The following CNTN1 variants were observed in gnomAD, a reference collection of about 807,000 sequenced individuals.
CNTN1 encodes contactin 1.
A neutral mutation model predicts 126.4 loss-of-function variants in CNTN1; 38 were observed. The observed-to-expected ratio is 0.30, with a 90% CI of 0.23 to 0.39. CNTN1 has a LOEUF of 0.39. Among genes scored for constraint, CNTN1 ranks in the 10% least tolerant of loss-of-function variants. The pLI, the probability that CNTN1 is intolerant of heterozygous loss-of-function variation, is 1.00. For missense variants in CNTN1, 1,009 were observed against 1,248.4 expected, an observed-to-expected ratio of 0.81 and a Z score of 2.89; for synonymous variants, 413 against 422.6, an observed-to-expected ratio of 0.98 and a Z score of 0.28.
At chr12:40,956,147 G>C (rs1490495418) in intron 14 of CNTN1, among the ~76,000 whole-genome samples, 1 of 152,068 alleles carries the variant, frequency 6.6e-6, no homozygotes, top group East Asian at 1.9e-4. Flanking sequence ...CTTAAGAGCA[G>C]ATACCAAAAT....
chr12:40,932,349 T>C (rs1280007111), intron 7 of CNTN1, among the ~76,000 whole-genome samples: 1 of 151,956 alleles, frequency 6.6e-6, no homozygotes, highest in East Asian at 1.9e-4. Flanking sequence ...CCCACTGCCA[T>C]GTAAGATTTC....
chr12:40,725,401 C>CAAAAAAAAAAAAAAAAAAAAAAGAAAAAA (rs1942325662), intron 1 of CNTN1, among the ~76,000 whole-genome samples: 1 of 45,332 alleles, frequency 2.2e-5, no homozygotes, highest in Non-Finnish European at 4.0e-5. Context: ...AACTCTGTCT[C>CAAAAAAAAAAAAAAAAAAAAAAGAAAAAA]AAAAAAAAAA....
chr12:40,730,605 A>G (rs906062732), intron 1 of CNTN1, among the ~76,000 whole-genome samples: 7 of 152,182 alleles, frequency 4.6e-5, no homozygotes, highest in Admixed American at 4.6e-4. Context: ...AATGTATCCA[A>G]TGACTACACA....
chr12:40,949,579 T>C (rs1382705835), intron 14 of CNTN1, among the ~76,000 whole-genome samples: 2 of 130,758 alleles, frequency 1.5e-5, no homozygotes, highest in East Asian at 4.3e-4. Flanking sequence ...CTTTTTTTTT[T>C]TTTTTTTTTT....
chr12:41,054,963 C>T (rs1949769441), intron 23 of CNTN1, among the ~76,000 whole-genome samples: 1 of 152,108 alleles, frequency 6.6e-6, no homozygotes, highest in African/African-American at 2.4e-5. Context: ...AGTTTTAAAA[C>T]TGAAGATTAG....
intron 1 of CNTN1, among the ~76,000 whole-genome samples, chr12:40,716,978 C>A (rs1024524806): frequency 6.6e-6 from 1 of 152,042 alleles, no homozygotes; most frequent in African/African-American, 2.4e-5. Flanking sequence ...CTTTTTAGAG[C>A]AATGGGGAAA....
intron 15 of CNTN1, among the ~76,000 whole-genome samples, chr12:40,959,996 GC>G (rs1175423849): frequency 2.0e-5 from 3 of 152,016 alleles, no homozygotes; most frequent in Non-Finnish European, 4.4e-5. Flanking sequence ...CATGTCAGTT[GC>G]TTTATTCACA....
chr12:40,978,410 A>G (rs1229921011), intron 15 of CNTN1, among the ~76,000 whole-genome samples: 1 of 151,994 alleles, frequency 6.6e-6, no homozygotes, highest in Non-Finnish European at 1.5e-5. Context: ...AACCCTTTCC[A>G]TTTGTCTTCT....
At chr12:40,898,431 T>A (rs535151499) in intron 1 of CNTN1, among the ~76,000 whole-genome samples, 41 of 152,290 alleles carry the variant, frequency 2.7e-4, no homozygotes, top group African/African-American at 9.6e-4. Flanking sequence ...CGAACGGGTT[T>A]TGAATAAAAA....
intron 4 of CNTN1, among the ~76,000 whole-genome samples, chr12:40,921,435 T>C (rs1441223292): frequency 6.6e-6 from 1 of 152,196 alleles, no homozygotes; most frequent in Non-Finnish European, 1.5e-5. Flanking sequence ...TTGAGAACTA[T>C]TTTCTACATG....
chr12:40,938,786 A>G (rs1000115236), intron 11 of CNTN1, among the ~76,000 whole-genome samples: 2 of 152,076 alleles, frequency 1.3e-5, no homozygotes, highest in African/African-American at 4.8e-5. Context: ...GAAGTTATTT[A>G]TTTATTGAGA....
intron 1 of CNTN1, among the ~76,000 whole-genome samples, chr12:40,722,806 C>T (rs995363070): frequency 2.0e-5 from 3 of 151,886 alleles, no homozygotes; most frequent in African/African-American, 7.3e-5. Flanking sequence ...TAAAGCAAAA[C>T]CACAGCCAGT....
In CNTN1 at chr12:40,794,935, A is replaced by G. The variant is rs111815766; in HGVS notation, c.-77+102343A>G. ...TTGTGATTATTAATTTTATGTGTCA[A>G]TTTGGCTAGGCTATAGTACTTACTT... On this transcript the variant is annotated intron_variant, in intron 1 of 23. Coordinates refer to ENST00000551295, the MANE Select transcript of CNTN1 (RefSeq NM_001843.4). Among the ~76,000 whole-genome samples, 1,289 of 152,188 alleles carry G rather than the reference A, an allele frequency of 8.5e-3. 7 individuals are homozygous for G. The highest frequency in any genetic ancestry group is 0.014 in the Non-Finnish European group (979 of 67,986).
intron 1 of CNTN1, among the ~76,000 whole-genome samples, chr12:40,821,820 T>C (rs903048842): frequency 6.6e-6 from 1 of 152,116 alleles, no homozygotes; most frequent in East Asian, 1.9e-4. Flanking sequence ...AGTATTTTTT[T>C]TCTCCTGGTT....
intron 1 of CNTN1, among the ~76,000 whole-genome samples, chr12:40,726,498 A>G (rs1299859261): frequency 6.6e-6 from 1 of 152,162 alleles, no homozygotes; most frequent in African/African-American, 2.4e-5. Context: ...GGGAAATGCC[A>G]GGTGCTTATA....
chr12:40,846,062 A>G (rs940134622), intron 1 of CNTN1, among the ~76,000 whole-genome samples: 3 of 152,188 alleles, frequency 2.0e-5, no homozygotes, highest in African/African-American at 7.2e-5. Context: ...TATAGGTGAT[A>G]AAAAATTACT....
chr12:40,781,374 C>T (rs545393525), intron 1 of CNTN1, among the ~76,000 whole-genome samples: 10 of 152,044 alleles, frequency 6.6e-5, no homozygotes, highest in Admixed American at 5.9e-4. Context: ...TTGACCATTC[C>T]AATAGAAAAT....
At chr12:40,727,198 A>T (rs1305878417) in intron 1 of CNTN1, among the ~76,000 whole-genome samples, 1 of 149,802 alleles carries the variant, frequency 6.7e-6, no homozygotes. Context: ...ACAATACAAA[A>T]ATCAAAGACT....
intron 16 of CNTN1, among the ~76,000 whole-genome samples, 178 bp downstream of exon 16, chr12:40,981,245 A>T (rs1310352031): frequency 6.6e-6 from 1 of 152,206 alleles, no homozygotes; most frequent in Admixed American, 6.5e-5. Context: ...GAATTTACAC[A>T]TTTAAATGTG....
Sources: gnomAD v4.1 joint callset for allele counts (sites outside exome capture counted in the v4.1 genomes callset) on GRCh38, gnomAD v4.1.1 for gene constraint, MANE v1.5 for transcripts, NCBI Gene and HGNC (gene_info 2026-07-23, HGNC 2026-07-21) for gene names.